The following KAZN variants were observed in gnomAD, a reference collection of about 807,000 sequenced individuals.
KAZN encodes kazrin.
KAZN carries 40 observed loss-of-function variants against 87.4 expected under a neutral mutation model. The observed-to-expected ratio is 0.46, with a 90% CI of 0.36 to 0.60. The LOEUF is 0.60. Among genes scored for constraint, KAZN ranks in the 20% least tolerant of loss-of-function variants. The pLI is 0.00. For missense variants in KAZN, 898 were observed against 1,073.9 expected (o/e 0.84, Z 2.29); for synonymous variants, 466 against 458.3 (o/e 1.02, Z -0.22).
intron 1 of KAZN, among the ~76,000 whole-genome samples, chr1:14,957,006 G>T (rs535571808): frequency 1.3e-5 from 2 of 152,008 alleles, no homozygotes; most frequent in Admixed American, 1.3e-4. Context: ...CTGGAATGCC[G>T]CCAACTTCTC....
chr1:13,930,134 C>G (rs1175333607), intron 1 of KAZN, among the ~76,000 whole-genome samples: 1 of 152,230 alleles, frequency 6.6e-6, no homozygotes, highest in Non-Finnish European at 1.5e-5. Context: ...ATCCTGCCCC[C>G]TCTTCCTACC....
chr1:14,028,115 C>A (rs868244042), intron 1 of KAZN, among the ~76,000 whole-genome samples: 1 of 152,156 alleles, frequency 6.6e-6, no homozygotes, highest in Non-Finnish European at 1.5e-5. Flanking sequence ...TCTGTCCCCC[C>A]AAACTCTGCA....
At chr1:14,132,143 T>G (rs796787482) in intron 1 of KAZN, among the ~76,000 whole-genome samples, 2 of 152,178 alleles carry the variant, frequency 1.3e-5, no homozygotes, top group African/African-American at 4.8e-5. Flanking sequence ...CCTCAGAAAT[T>G]GTGTAGAATG....
intron 2 of KAZN, among the ~76,000 whole-genome samples, chr1:14,500,101 T>C (rs1670159662): frequency 6.6e-6 from 1 of 152,182 alleles, no homozygotes; most frequent in African/African-American, 2.4e-5. Flanking sequence ...ATACTTTCTA[T>C]GAAAGAGAAG....
In KAZN at chr1:14,949,649, AG is replaced by A. The variant is rs1388486720; in HGVS notation, c.227-11030del. Among the ~76,000 whole-genome samples, 1 of 152,118 alleles carries A rather than the reference AG, an allele frequency of 6.6e-6. No individual in the cohort carries two copies. Among genetic ancestry groups the A allele is most frequent in the Non-Finnish European group, 1.5e-5 (1 of 68,020 alleles). On this transcript the variant is annotated intron_variant, in intron 1 of 14. Transcript: ENST00000376030. This position sits in a 1 kb window ranked among gnomAD's most constrained non-coding sequence, Gnocchi z 4.3. ...GTTACCCAAACCTCCGGCAGACCCCAGGGGGCTGCGTCCTGCAGTGCCAATC... is the reference window on the plus strand; with the variant it reads ...GTTACCCAAACCTCCGGCAGACCCCAGGGGCTGCGTCCTGCAGTGCCAATC...
At chr1:14,047,854 T>A in intron 1 of KAZN, among the ~76,000 whole-genome samples, 1 of 137,972 alleles carries the variant, frequency 7.2e-6, no homozygotes, top group African/African-American at 2.8e-5. Context: ...GGTGACAGAG[T>A]GAGACTCGGG....
intron 2 of KAZN, among the ~76,000 whole-genome samples, chr1:14,528,212 C>T (rs1488305022): frequency 2.0e-5 from 3 of 151,262 alleles, no homozygotes; most frequent in Non-Finnish European, 2.9e-5. Context: ...GTGGTGCACA[C>T]GGGTAGTCCC....
At chr1:14,855,711 A>T (rs1322790353) in intron 1 of KAZN, among the ~76,000 whole-genome samples, 3 of 152,250 alleles carry the variant, frequency 2.0e-5, no homozygotes, top group Non-Finnish European at 4.4e-5. Context: ...GGCACTTTGA[A>T]TAACCCAGTG....
chr1:14,837,182 A>G (rs759154858), intron 1 of KAZN, among the ~76,000 whole-genome samples: 1 of 152,178 alleles, frequency 6.6e-6, no homozygotes, highest in Non-Finnish European at 1.5e-5. Context: ...TGGTGCTAAA[A>G]TACATCCCTG....
At chr1:14,666,395 T>C (rs569844922) in intron 1 of KAZN, among the ~76,000 whole-genome samples, 67 of 152,302 alleles carry the variant, frequency 4.4e-4, no homozygotes, top group African/African-American at 1.5e-3. Context: ...AAGTTATTAA[T>C]TGGATTAAAA....
intron 1 of KAZN, among the ~76,000 whole-genome samples, chr1:14,922,853 G>A (rs886785214): frequency 1.3e-5 from 2 of 149,648 alleles, no homozygotes; most frequent in African/African-American, 4.9e-5. Context: ...GGCAGCCTCC[G>A]CAGCTGGGCC....
intron 1 of KAZN, among the ~76,000 whole-genome samples, chr1:14,782,023 G>A (rs1645366048): frequency 6.6e-6 from 1 of 152,106 alleles, no homozygotes; most frequent in Admixed American, 6.6e-5. Context: ...TCTGTAAAGT[G>A]GGCATAAGAA....
chr1:14,098,095 C>T (rs1021389434), intron 1 of KAZN, among the ~76,000 whole-genome samples: 15 of 152,044 alleles, frequency 9.9e-5, no homozygotes, highest in Middle Eastern at 3.2e-3. Context: ...TGGAGTCACT[C>T]GCCCAAGTCC....
intron 2 of KAZN, among the ~76,000 whole-genome samples, chr1:14,235,488 G>A (rs182597602): frequency 6.6e-6 from 1 of 152,242 alleles, no homozygotes; most frequent in East Asian, 1.9e-4. Flanking sequence ...TTAGGTAAGG[G>A]GTTTCTTTTG....
chr1:14,656,611 G>A (rs1409111915), intron 1 of KAZN, among the ~76,000 whole-genome samples: 2 of 152,214 alleles, frequency 1.3e-5, no homozygotes, highest in Non-Finnish European at 2.9e-5. Context: ...GCACGGCTGG[G>A]GAAGCCTCAG....
At chr1:14,867,149 T>C (rs1324054222) in intron 1 of KAZN, among the ~76,000 whole-genome samples, 1 of 152,198 alleles carries the variant, frequency 6.6e-6, no homozygotes. Context: ...GCCAGGGCCC[T>C]CCCTGTGCAG....
chr1:14,667,465 AG>A (rs1639635653), intron 1 of KAZN, among the ~76,000 whole-genome samples: 1 of 152,218 alleles, frequency 6.6e-6, no homozygotes, highest in African/African-American at 2.4e-5. Flanking sequence ...AGAACACTAG[AG>A]GACTGTGCTG....
chr1:14,493,528 AATGT>A (rs1351784518), intron 2 of KAZN, among the ~76,000 whole-genome samples: 1 of 152,094 alleles, frequency 6.6e-6, no homozygotes, highest in African/African-American at 2.4e-5. Context: ...TCCCTCCCAC[AATGT>A]ATGTTGTTTC....
chr1:15,051,065 G>A (rs141853202), intron 4 of KAZN, among the ~76,000 whole-genome samples: 45 of 152,346 alleles, frequency 3.0e-4, no homozygotes, highest in African/African-American at 1.0e-3. Context: ...CCCGTTTGGC[G>A]CAGTGTGCCA....
Sources: allele counts gnomAD v4.1 joint callset (sites outside exome capture counted in the v4.1 genomes callset), GRCh38; gene constraint gnomAD v4.1.1; non-coding constraint Gnocchi (gnomAD v3.1); transcripts MANE v1.5; gene names NCBI Gene and HGNC (gene_info 2026-07-23, HGNC 2026-07-21).